Variants in RNF185 observed in about 807,000 individuals in gnomAD.
RNF185 encodes the protein ring finger protein 185.
Under a neutral mutation model 24.9 loss-of-function variants are expected in RNF185, and 13 were observed. The observed-to-expected ratio is 0.52, with a 90% confidence interval of 0.34 to 0.83. The LOEUF (loss-of-function observed/expected upper bound fraction) is 0.83. Among genes scored for constraint, RNF185 ranks in the 40% least tolerant of loss-of-function variants. RNF185 has a pLI of 0.01. For missense variants in RNF185, 184 were observed against 244.7 expected (o/e 0.75, Z 1.65); for synonymous variants, 79 against 90.3 (o/e 0.88, Z 0.71).
chr22:31,195,663 C>A (rs538207306), intron 4 of RNF185, 82 bp downstream of exon 4: 1 of 844,380 alleles, frequency 1.2e-6, no homozygotes, highest in South Asian at 1.6e-5. Flanking sequence ...TAACCCCACC[C>A]TTTACTTAGT....
At chr22:31,172,727 C>T (rs2047942018) in intron 1 of RNF185, among the ~76,000 whole-genome samples, 1 of 114,602 alleles carries the variant, frequency 8.7e-6, no homozygotes, top group African/African-American at 3.5e-5. Context: ...CCAGCCTGAG[C>T]AACAGAGTGA....
chr22:31,162,895 G>A (rs1923668922), intron 1 of RNF185, among the ~76,000 whole-genome samples: 1 of 151,448 alleles, frequency 6.6e-6, no homozygotes, highest in Non-Finnish European at 1.5e-5. Context: ...CTCCCGAATA[G>A]CTGGGACTAC....
intron 1 of RNF185, among the ~76,000 whole-genome samples, chr22:31,177,274 A>T (rs2047992273): frequency 6.6e-6 from 1 of 151,752 alleles, no homozygotes; most frequent in Non-Finnish European, 1.5e-5. Context: ...AATGCCTGGC[A>T]AATAATAGGA....
chr22:31,202,251 A>G (rs1305310681), intron 6 of RNF185, among the ~76,000 whole-genome samples: 2 of 152,052 alleles, frequency 1.3e-5, no homozygotes, highest in South Asian at 2.1e-4. Flanking sequence ...AGCCACCTCT[A>G]TGAGGTGGGT....
At chr22:31,195,421 C>T (rs1342343235) in intron 3 of RNF185, 48 bp from the exon 4 acceptor site, 5 of 1,326,662 alleles carry the variant, frequency 3.8e-6, no homozygotes, top group Non-Finnish European at 5.3e-6. Flanking sequence ...GCTGATCACT[C>T]TGGTGGGTCT....
intron 2 of RNF185, among the ~76,000 whole-genome samples, chr22:31,191,827 CAA>C (rs71784545): frequency 1.1e-4 from 7 of 64,346 alleles, no homozygotes; most frequent in South Asian, 5.1e-4. Context: ...AACTTCGTCT[CAA>C]AAAAAAAAAA....
chr22:31,171,156 CTTATTTAT>C (rs55965706), intron 1 of RNF185, among the ~76,000 whole-genome samples: 5 of 143,150 alleles, frequency 3.5e-5, no homozygotes, highest in African/African-American at 1.0e-4. Context: ...CTCTGATTTA[CTTATTTAT>C]TTATTTATTT....
intron 1 of RNF185, among the ~76,000 whole-genome samples, chr22:31,169,589 G>A (rs545159597): frequency 1.3e-5 from 2 of 151,800 alleles, no homozygotes; most frequent in Non-Finnish European, 2.9e-5. Flanking sequence ...CTCTGTCGCC[G>A]AGGCTGGAGT....
intron 2 of RNF185, among the ~76,000 whole-genome samples, chr22:31,191,113 AT>A (rs1197584741): frequency 1.3e-5 from 2 of 152,336 alleles, no homozygotes; most frequent in East Asian, 3.9e-4. Flanking sequence ...TCTCAGAATT[AT>A]CCCTGTCGTT....
intron 5 of RNF185, 118 bp from the exon 6 acceptor site, chr22:31,201,379 CA>C (rs1384536330): frequency 3.9e-6 from 3 of 765,330 alleles, no homozygotes; most frequent in Non-Finnish European, 7.1e-6. Context: ...ACATGTGGCA[CA>C]AGGTAGGGAG....
At chr22:31,180,396 T>C (rs935356998) in intron 1 of RNF185, among the ~76,000 whole-genome samples, 25 of 146,422 alleles carry the variant, frequency 1.7e-4, no homozygotes, top group African/African-American at 5.8e-4. Flanking sequence ...ACCCGGGAGG[T>C]GGAGGTTGCA....
At position 31,206,302 on chromosome 22, in the gene RNF185, C is replaced by A. The variant is rs1355079561; in HGVS notation, c.*1716C>A. 6.6e-6 allele frequency: 1 copy of A among 152,610 alleles called. No individual in the cohort carries two copies. Among genetic ancestry groups the A allele is most frequent in the African/African-American group, 2.4e-5 (1 of 41,420 alleles). 9.5% of individuals were successfully genotyped at this position (152,610 alleles called of 1,614,324 possible). A position where few individuals can be genotyped will look rare whatever the true frequency, so the allele number is the denominator to read the frequency against. ...GTAGGTGGTTCATATGCCGAATCCA[C>A]TTGGTAGGAAGAAACCACCAGCTTT... On this transcript the variant is annotated 3_prime_UTR_variant, in exon 7 of 7. Coordinates refer to ENST00000326132, the MANE Select transcript of RNF185 (RefSeq NM_152267.4).
At chr22:31,200,779 T>G (rs1168873813) in intron 5 of RNF185, among the ~76,000 whole-genome samples, 1 of 152,346 alleles carries the variant, frequency 6.6e-6, no homozygotes, top group Non-Finnish European at 1.5e-5. Flanking sequence ...ATATGTGAGT[T>G]TCTTATAGCA....
intron 1 of RNF185, among the ~76,000 whole-genome samples, chr22:31,180,914 TC>T (rs2048029534): frequency 1.5e-5 from 1 of 65,128 alleles, no homozygotes. Flanking sequence ...TCTCTCTCTC[TC>T]TGTGTGTGTG....
At chr22:31,192,617 A>G in intron 2 of RNF185, 67 bp from the exon 3 acceptor site, 2 of 1,444,364 alleles carry the variant, frequency 1.4e-6, no homozygotes, top group Non-Finnish European at 2.0e-6. Context: ...TGCTAATGAA[A>G]ACATTTTTCT....
At chr22:31,201,800 A>G (rs1158207507) in intron 6 of RNF185, among the ~76,000 whole-genome samples, 185 bp downstream of exon 6, 1 of 152,172 alleles carries the variant, frequency 6.6e-6, no homozygotes, top group Non-Finnish European at 1.5e-5. Context: ...GCACTTACCA[A>G]CTATTAGGCA....
Position 31,206,644 on chromosome 22 carries a change from A to AG in RNF185, c.*2059dup, listed in dbSNP as rs1321840159. The AG allele has an allele frequency of 2.6e-5, 4 of 152,488 alleles. No homozygotes were observed. Among genetic ancestry groups the AG allele is most frequent in the African/African-American group, 9.6e-5 (4 of 41,478 alleles). The allele number at this position is 152,488 out of a possible 1,614,324, so 9.4% of individuals were successfully genotyped here. The stretch of plus-strand genomic sequence containing the variant: ...AACAGAGGCACTCTGGGAACCTGTT[A>AG]GTAAAGCCAGGCTGGCCAAATGCCA... On this transcript the variant is annotated 3_prime_UTR_variant, in exon 7 of 7. Coordinates refer to ENST00000326132, the MANE Select transcript of RNF185 (RefSeq NM_152267.4).
chr22:31,178,702 A>G (rs1320918610), intron 1 of RNF185, among the ~76,000 whole-genome samples: 1 of 151,966 alleles, frequency 6.6e-6, no homozygotes, highest in Non-Finnish European at 1.5e-5. Flanking sequence ...CCTCTTTGTA[A>G]CTCCTCCACA....
At chr22:31,185,020 T>G (rs2048085300) in intron 1 of RNF185, among the ~76,000 whole-genome samples, 1 of 150,670 alleles carries the variant, frequency 6.6e-6, no homozygotes, top group African/African-American at 2.4e-5. Context: ...ATAGGTTGGG[T>G]ACTTAGGATT....
Sources: allele counts gnomAD v4.1 joint callset (sites outside exome capture counted in the v4.1 genomes callset), GRCh38; gene constraint gnomAD v4.1.1; transcripts MANE v1.5; gene names NCBI Gene and HGNC (gene_info 2026-07-23, HGNC 2026-07-21).